PLCZ1: variants seen among roughly 807,000 people sequenced by gnomAD.
The protein encoded by PLCZ1 is 1-phosphatidylinositol 4,5-bisphosphate phosphodiesterase zeta-1.
Under a neutral mutation model 76.8 loss-of-function variants are expected in PLCZ1, and 64 were observed. The ratio of observed to expected loss-of-function variants is 0.83; its 90% CI spans 0.68 to 1.03. PLCZ1 has a LOEUF of 1.03. PLCZ1 is among the 50% of genes least tolerant of loss of function. The probability of loss-of-function intolerance (pLI) is 0.00; values close to 1 mark genes in which losing one functional copy is unlikely to be tolerated. For missense variants in PLCZ1, 751 were observed against 713.7 expected (o/e 1.05, Z -0.60); for synonymous variants, 248 against 230.8 (o/e 1.07, Z -0.68).
chr12:18,661,243 G>A, the PLCZ1 span, among the ~76,000 whole-genome samples: 1 of 152,040 alleles, frequency 6.6e-6, no homozygotes, highest in Non-Finnish European at 1.5e-5. Context: ...TGAAGAAATA[G>A]TACCCCAAAT....
chr12:18,662,237 A>T, the PLCZ1 span, among the ~76,000 whole-genome samples: 1 of 152,122 alleles, frequency 6.6e-6, no homozygotes, highest in Non-Finnish European at 1.5e-5. Flanking sequence ...GGCTGATGAA[A>T]TAATCTGTAC....
At chr12:18,650,536 C>T in the PLCZ1 span, among the ~76,000 whole-genome samples, 1 of 149,708 alleles carries the variant, frequency 6.7e-6, no homozygotes, top group South Asian at 2.1e-4. Flanking sequence ...TGCTCATTTA[C>T]ATTACCATAT....
At chr12:18,648,100 T>C in the PLCZ1 span, 5 of 902,756 alleles carry the variant, frequency 5.5e-6, no homozygotes, top group Admixed American at 2.9e-5. Flanking sequence ...CTGAATCACA[T>C]AAGTAAGGCA....
intron 6 of PLCZ1, among the ~76,000 whole-genome samples, chr12:18,710,173 A>G (rs1235051112): frequency 6.8e-6 from 1 of 147,354 alleles, no homozygotes; most frequent in African/African-American, 2.5e-5. Context: ...TCTTTTTCTT[A>G]TCTAGTTGCC....
intron 1 of PLCZ1, 22 bp from the exon 2 acceptor site, chr12:18,737,531 C>T: frequency 1.1e-6 from 1 of 939,586 alleles, no homozygotes; most frequent in South Asian, 1.4e-5. Flanking sequence ...GCAGAGAACA[C>T]ACAGTGGTTT....
chr12:18,732,188 G>T (rs991650113), intron 3 of PLCZ1, among the ~76,000 whole-genome samples: 3 of 151,812 alleles, frequency 2.0e-5, no homozygotes, highest in Non-Finnish European at 4.4e-5. Flanking sequence ...GTCTCTCTTT[G>T]TCACCCAGGC....
intron 6 of PLCZ1, among the ~76,000 whole-genome samples, chr12:18,708,741 A>T (rs921599477): frequency 2.0e-5 from 3 of 152,032 alleles, no homozygotes; most frequent in African/African-American, 4.8e-5. Context: ...AGTGGTTTTG[A>T]TTTGCATTTC....
At chr12:18,685,867 CACAT>C (rs1386258551) in intron 13 of PLCZ1, among the ~76,000 whole-genome samples, 1,497 of 144,530 alleles carry the variant, frequency 0.01, 22 homozygotes, top group African/African-American at 0.031. Context: ...CACACACACA[CACAT>C]ACAATAATAT....
At chr12:18,736,443 A>C (rs1959260249) in intron 2 of PLCZ1, 99 bp from the exon 3 acceptor site, 2 of 1,342,788 alleles carry the variant, frequency 1.5e-6, no homozygotes, top group African/African-American at 3.0e-5. Context: ...TTTTATTTTT[A>C]AAGAATATGT....
chr12:18,696,186 T>TAAA lies in PLCZ1; in HGVS notation c.1252_1254dup (p.Phe418dup). On this transcript the variant is annotated inframe_insertion, in exon 11 of 15. Coordinates refer to ENST00000266505, the MANE Select transcript of PLCZ1 (RefSeq NM_033123.4). Reference sequence around the variant, plus strand: ...CCTATATTCCAAAATTCTTGGGGATTAAAATTAGAAGAGTCTGCTCTTGTT... The same window carrying TAAA: ...CCTATATTCCAAAATTCTTGGGGATTAAAAAAATTAGAAGAGTCTGCTCTTGTT... 1 of 1,594,174 alleles carries TAAA rather than the reference T, an allele frequency of 6.3e-7. No individual in the cohort carries two copies.
At chr12:18,682,942 A>G (rs1952564077), downstream of PLCZ1, among the ~76,000 whole-genome samples, 1 of 151,998 alleles carries the variant, frequency 6.6e-6, no homozygotes, top group Admixed American at 6.6e-5. Flanking sequence ...ATGTATTTCA[A>G]AAGCTTATAA....
chr12:18,736,768 T>C (rs1266436446), intron 2 of PLCZ1: 1 of 943,764 alleles, frequency 1.1e-6, no homozygotes, highest in African/African-American at 1.7e-5. Context: ...AGTGGAAGCA[T>C]TAGATGAATT....
chr12:18,727,768 G>A (rs1958835693), intron 3 of PLCZ1, among the ~76,000 whole-genome samples: 1 of 152,194 alleles, frequency 6.6e-6, no homozygotes, highest in Non-Finnish European at 1.5e-5. Flanking sequence ...TCTGGCAGCA[G>A]TGTAGAAGGT....
intron 3 of PLCZ1, among the ~76,000 whole-genome samples, chr12:18,726,901 T>C (rs1958780914): frequency 6.6e-6 from 1 of 152,170 alleles, no homozygotes; most frequent in East Asian, 1.9e-4. Flanking sequence ...TTTTCCTGTT[T>C]CCTTTTCTTC....
chr12:18,653,856 G>A, the PLCZ1 span, among the ~76,000 whole-genome samples: 2 of 152,080 alleles, frequency 1.3e-5, no homozygotes, highest in Non-Finnish European at 2.9e-5. Context: ...CTCTTCCTAG[G>A]CTGAGGTTCA....
intron 7 of PLCZ1, among the ~76,000 whole-genome samples, chr12:18,702,279 T>C (rs986557884): frequency 5.3e-5 from 8 of 152,090 alleles, no homozygotes; most frequent in Non-Finnish European, 1.2e-4. Flanking sequence ...TCTTCTGTAT[T>C]ACACATAAAC....
In PLCZ1 at chr12:18,699,970, A is replaced by T; in HGVS notation, c.1018-20T>A. 1 of 1,597,998 alleles carries T rather than the reference A, an allele frequency of 6.3e-7. No individual in the cohort carries two copies. The highest frequency in any genetic ancestry group is 2.2e-5 in the East Asian group (1 of 44,626). On this transcript the variant is annotated intron_variant, in intron 9 of 14. Coordinates refer to ENST00000266505, the MANE Select transcript of PLCZ1 (RefSeq NM_033123.4). ...CCTGGTCTAAAAATAAAATGCAGTAATTTTACATTTTTATGCTAATCATTG... is the reference window on the plus strand; with the variant it reads ...CCTGGTCTAAAAATAAAATGCAGTATTTTTACATTTTTATGCTAATCATTG...
Position 18,690,209 on chromosome 12 carries a change from TTTTGTTTG to T in PLCZ1, c.1462-1999_1462-1992del, listed in dbSNP as rs112242865. ...TAAGGTGGAACAAAACACATCTGTT[TTTTGTTTG>T]TTTGTTTGTTTGTTTGTTTCTTTGA... On this transcript the variant is annotated intron_variant, in intron 12 of 14. Coordinates refer to ENST00000266505, the MANE Select transcript of PLCZ1 (RefSeq NM_033123.4). Among the ~76,000 whole-genome samples, 517 of 151,974 alleles carry T rather than the reference TTTTGTTTG, an allele frequency of 3.4e-3. 2 individuals carry two copies. Among genetic ancestry groups the T allele is most frequent in the African/African-American group, 0.011 (440 of 41,432 alleles).
the PLCZ1 span, among the ~76,000 whole-genome samples, chr12:18,659,515 C>A: frequency 6.6e-6 from 1 of 152,122 alleles, no homozygotes; most frequent in Non-Finnish European, 1.5e-5. Flanking sequence ...AATTACATAA[C>A]TATCATTTAA....
Sources: gnomAD v4.1 joint callset for allele counts (sites outside exome capture counted in the v4.1 genomes callset) on GRCh38, gnomAD v4.1.1 for gene constraint, MANE v1.5 for transcripts, NCBI Gene and HGNC (gene_info 2026-07-23, HGNC 2026-07-21) for gene names.